SFMBT2: variants seen among roughly 807,000 people sequenced by gnomAD.
SFMBT2 encodes the protein scm-like with four MBT domains protein 2.
Under a neutral mutation model 110.1 loss-of-function variants are expected in SFMBT2, and 38 were observed. The ratio of observed to expected loss-of-function variants is 0.35; its 90% confidence interval spans 0.27 to 0.45. The LOEUF is 0.45. SFMBT2 is among the 20% of genes least tolerant of loss of function. The probability of loss-of-function intolerance (pLI) is 1.00; values close to 1 mark genes in which losing one functional copy is unlikely to be tolerated. For missense variants in SFMBT2, 1,011 were observed against 1,094.9 expected, an observed-to-expected ratio of 0.92 and a Z score of 1.08; for synonymous variants, 425 against 425.4, an observed-to-expected ratio of 1.00 and a Z score of 0.01.
intron 4 of SFMBT2, among the ~76,000 whole-genome samples, chr10:7,307,401 A>G (rs1842727762): frequency 6.6e-6 from 1 of 152,216 alleles, no homozygotes; most frequent in South Asian, 2.1e-4. Context: ...CTTCAAGAAC[A>G]CCAACAAACT....
intron 4 of SFMBT2, among the ~76,000 whole-genome samples, chr10:7,286,683 G>T (rs1396590703): frequency 2.0e-5 from 3 of 152,140 alleles, no homozygotes; most frequent in Non-Finnish European, 4.4e-5. Flanking sequence ...GATGTACATA[G>T]GTTATGTGTG....
At chr10:7,258,693 C>T (rs942319935) in intron 7 of SFMBT2, among the ~76,000 whole-genome samples, 1 of 152,178 alleles carries the variant, frequency 6.6e-6, no homozygotes, top group Admixed American at 6.5e-5. Context: ...CATCCAGAAC[C>T]ATTTATGATA....
intron 4 of SFMBT2, among the ~76,000 whole-genome samples, chr10:7,361,009 T>G (rs1844697625): frequency 6.6e-6 from 1 of 152,220 alleles, no homozygotes; most frequent in African/African-American, 2.4e-5. Context: ...AATATCTAAC[T>G]ATGACTTTTG....
At position 7,209,682 on chromosome 10, in the gene SFMBT2, A is replaced by T. The variant is rs565250128; in HGVS notation, c.1331-3754T>A. Among the ~76,000 whole-genome samples, 5 of 152,370 alleles carry T rather than the reference A, an allele frequency of 3.3e-5. No homozygotes were observed. The South Asian group carries it at 1.0e-3, about 32-fold the overall frequency. On this transcript the variant is annotated intron_variant, in intron 11 of 20. Transcript: ENST00000397167. ...TAAAAGGGGGAAATAACATATATTC[A>T]TATGTGCATAAAATAAATCTGGAAG...
At chr10:7,392,202 T>C (rs1285655907) in intron 1 of SFMBT2, among the ~76,000 whole-genome samples, 4 of 152,198 alleles carry the variant, frequency 2.6e-5, no homozygotes, top group African/African-American at 9.7e-5. Context: ...TTATACCTTT[T>C]CTTTATTTGA....
chr10:7,391,094 C>G (rs958819915), intron 1 of SFMBT2, among the ~76,000 whole-genome samples: 2 of 146,868 alleles, frequency 1.4e-5, no homozygotes, highest in Non-Finnish European at 3.0e-5. Context: ...AGTGAGACTC[C>G]GACTCACTCA....
chr10:7,173,414 G>A (rs1012369360), intron 17 of SFMBT2, among the ~76,000 whole-genome samples: 2 of 152,134 alleles, frequency 1.3e-5, no homozygotes, highest in African/African-American at 4.8e-5. Flanking sequence ...CCAGCTCTTG[G>A]TCCGACCAAG....
chr10:7,241,091 G>A (rs1222285590), intron 9 of SFMBT2: 1 of 152,458 alleles, frequency 6.6e-6, no homozygotes, highest in East Asian at 1.9e-4. Flanking sequence ...GAGATCTGAT[G>A]GTTTTAAAAA....
intron 4 of SFMBT2, among the ~76,000 whole-genome samples, chr10:7,335,909 G>A (rs952952970): frequency 1.3e-5 from 2 of 151,968 alleles, no homozygotes; most frequent in Non-Finnish European, 2.9e-5. Flanking sequence ...AATACCATAT[G>A]GCATGATGTA....
intron 4 of SFMBT2, among the ~76,000 whole-genome samples, chr10:7,308,222 G>T (rs1307867213): frequency 6.6e-6 from 1 of 152,060 alleles, no homozygotes; most frequent in Non-Finnish European, 1.5e-5. Flanking sequence ...AGCCAGGCCT[G>T]GTGGTACACG....
At chr10:7,278,658 T>A (rs552866356) in intron 6 of SFMBT2, among the ~76,000 whole-genome samples, 1 of 152,240 alleles carries the variant, frequency 6.6e-6, no homozygotes, top group African/African-American at 2.4e-5. Context: ...AAGAAAGAAT[T>A]TGAAGACCCA....
At chr10:7,366,268 C>T (rs549606202) in intron 4 of SFMBT2, among the ~76,000 whole-genome samples, 5 of 152,250 alleles carry the variant, frequency 3.3e-5, no homozygotes, top group South Asian at 2.1e-4. Context: ...TGTCAGCTAA[C>T]GCCATGGCAA....
chr10:7,377,994 T>C lies in SFMBT2; in HGVS notation c.100+3805A>G, dbSNP rs1357119968. Among the ~76,000 whole-genome samples the C allele has an allele frequency of 2.5e-5, 3 of 122,348 alleles. No homozygotes were observed. In the Admixed American group the frequency reaches 2.5e-4, roughly 10 times the overall value. The allele number at this position is 122,348 out of a possible 152,430, so 80.3% of individuals were successfully genotyped here. A position where few individuals can be genotyped will look rare whatever the true frequency, so the allele number is the denominator to read the frequency against. On this transcript the variant is annotated intron_variant, in intron 2 of 20. Transcript: ENST00000397167. ...GTTGTGTGTGTGGGGGGGAGGTGGG[T>C]GTGAATGTGGGGGTGTATGTGAATG...
chr10:7,381,948 A>G lies in SFMBT2; in HGVS notation c.-50T>C. The stretch of plus-strand genomic sequence containing the variant: ...CTTAATTCATCCTGCAGAAAAAATT[A>G]CCTAAGAGCAATCAAAAAAAAAAAA... On this transcript the variant is annotated splice_region_variant and 5_prime_UTR_variant, in exon 2 of 21. Transcript: ENST00000397167. 6.7e-7 allele frequency: 1 copy of G among 1,494,144 alleles called. No individual in the cohort carries two copies. The highest frequency in any genetic ancestry group is 9.0e-7 in the Non-Finnish European group (1 of 1,112,236). The allele number at this position is 1,494,144 out of a possible 1,614,324, so 92.6% of individuals were successfully genotyped here. A position where few individuals can be genotyped will look rare whatever the true frequency, so the allele number is the denominator to read the frequency against.
At chr10:7,297,901 C>T (rs1004609322) in intron 4 of SFMBT2, among the ~76,000 whole-genome samples, 10 of 152,332 alleles carry the variant, frequency 6.6e-5, no homozygotes, top group East Asian at 1.9e-4. Context: ...CTGCCTCCCA[C>T]GCCCTCCCTG....
At chr10:7,217,922 G>C (rs1476534145) in intron 11 of SFMBT2, among the ~76,000 whole-genome samples, 1 of 152,106 alleles carries the variant, frequency 6.6e-6, no homozygotes, top group Non-Finnish European at 1.5e-5. Flanking sequence ...TTTCAAATAT[G>C]CACTTAAAAT....
intron 11 of SFMBT2, among the ~76,000 whole-genome samples, chr10:7,210,620 A>T (rs370739354): frequency 6.6e-6 from 1 of 152,242 alleles, no homozygotes. Context: ...GCAAATGCTG[A>T]CAGGCTTGAG....
chr10:7,370,524 A>C, intron 2 of SFMBT2, 149 bp from the exon 3 acceptor site: 2 of 688,716 alleles, frequency 2.9e-6, no homozygotes, highest in Non-Finnish European at 4.9e-6. Flanking sequence ...GCAAAGCTTC[A>C]GTCTGCTGAT....
chr10:7,296,946 G>T (rs141018635), intron 4 of SFMBT2, among the ~76,000 whole-genome samples: 5 of 152,274 alleles, frequency 3.3e-5, no homozygotes, highest in African/African-American at 1.2e-4. Context: ...TAAAGCAGAC[G>T]GCCTTGGACT....
Sources: allele counts gnomAD v4.1 joint callset (sites outside exome capture counted in the v4.1 genomes callset), GRCh38; gene constraint gnomAD v4.1.1; transcripts MANE v1.5; gene names NCBI Gene and HGNC (gene_info 2026-07-23, HGNC 2026-07-21).